The following DOCK4 variants were observed in gnomAD, a reference collection of about 807,000 sequenced individuals.
DOCK4 encodes dedicator of cytokinesis protein 4.
A neutral mutation model predicts 268.1 loss-of-function variants in DOCK4; 97 were observed. The observed-to-expected ratio is 0.36, with a 90% CI of 0.31 to 0.43. The LOEUF is 0.43. DOCK4 is among the 20% of genes least tolerant of loss of function. The pLI, the probability that DOCK4 is intolerant of heterozygous loss-of-function variation, is 1.00. For missense variants in DOCK4, 2,145 were observed against 2,455.7 expected, an observed-to-expected ratio of 0.87 and a Z score of 2.67; for synonymous variants, 954 against 887.2, an observed-to-expected ratio of 1.08 and a Z score of -1.34.
At chr7:111,751,419 A>G (rs1020613650) in intron 42 of DOCK4, among the ~76,000 whole-genome samples, 1 of 152,100 alleles carries the variant, frequency 6.6e-6, no homozygotes, top group African/African-American at 2.4e-5. Context: ...TTAAATCTGG[A>G]TTCGAATAAT....
Position 111,728,201 on chromosome 7 carries a change from TA to T in DOCK4, c.*72del, listed in dbSNP as rs1794774860. 1 of 1,229,908 alleles carries T rather than the reference TA, an allele frequency of 8.1e-7. No individual in the cohort carries two copies. The highest frequency in any genetic ancestry group is 2.7e-5 in the East Asian group (1 of 37,220). 76.2% of individuals were successfully genotyped at this position (1,229,908 alleles called of 1,614,324 possible). A position where few individuals can be genotyped will look rare whatever the true frequency, so the allele number is the denominator to read the frequency against. On this transcript the variant is annotated 3_prime_UTR_variant, in exon 53 of 53. Transcript: ENST00000428084. The stretch of plus-strand genomic sequence containing the variant: ...GAGTAAGTTATTAAAGTGCCTACAC[TA>T]AATGTCTTCTCATCATACTTCTTAT...
chr7:112,172,873 T>A (rs1357431128), intron 1 of DOCK4, among the ~76,000 whole-genome samples: 1 of 152,220 alleles, frequency 6.6e-6, no homozygotes, highest in African/African-American at 2.4e-5. Context: ...AAGTGTTAAA[T>A]CTTATTTTCT....
chr7:111,817,354 C>T lies in DOCK4; in HGVS notation c.2930+5008G>A, dbSNP rs571290233. On this transcript the variant is annotated intron_variant, in intron 27 of 52. Transcript: ENST00000428084. ...AGTAGCTGTGTCAATGGATGCTCAG[C>T]AGATTAGCTACTCTACCACTCAAGT... Among the ~76,000 whole-genome samples, 6 of 152,260 alleles carry T rather than the reference C, an allele frequency of 3.9e-5. No homozygotes were observed. In the East Asian group the frequency reaches 1.2e-3, roughly 29 times the overall value.
intron 11 of DOCK4, among the ~76,000 whole-genome samples, chr7:111,936,358 G>A (rs536650786): frequency 3.3e-4 from 50 of 152,296 alleles, no homozygotes; most frequent in African/African-American, 1.2e-3. Flanking sequence ...TGTTATCTTT[G>A]TTTACGTGGT....
At position 112,018,179 on chromosome 7, in the gene DOCK4, A is replaced by AAAAAAAAAAAAAACAAC; in HGVS notation, c.38-14049_38-14048insGTTGTTTTTTTTTTTTT. On this transcript the variant is annotated intron_variant, in intron 1 of 52. Coordinates refer to ENST00000428084, the MANE Select transcript of DOCK4 (RefSeq NM_001363540.2). ...AAAAAAAAAAAAAAAAAAAAAAAAA[A>AAAAAAAAAAAAAACAAC]ACACAGGCAACCAGTATTCATGTGG... Among the ~76,000 whole-genome samples, 18 of 72,630 alleles carry AAAAAAAAAAAAAACAAC rather than the reference A, an allele frequency of 2.5e-4. 5 individuals are homozygous for AAAAAAAAAAAAAACAAC. Among genetic ancestry groups the AAAAAAAAAAAAAACAAC allele is most frequent in the African/African-American group, 9.2e-4 (17 of 18,512 alleles). 47.6% of individuals were successfully genotyped at this position (72,630 alleles called of 152,430 possible).
intron 8 of DOCK4, among the ~76,000 whole-genome samples, chr7:111,957,500 G>GA (rs569321407): frequency 2.0e-4 from 30 of 152,166 alleles, no homozygotes; most frequent in African/African-American, 7.2e-4. Flanking sequence ...AAACAACCTG[G>GA]AAAAAATACT....
chr7:111,979,927 A>G (rs1798482448), intron 7 of DOCK4, among the ~76,000 whole-genome samples: 1 of 152,204 alleles, frequency 6.6e-6, no homozygotes, highest in African/African-American at 2.4e-5. Context: ...CCCAGGTCTT[A>G]TCTCAGAACA....
At chr7:111,729,102 T>C (rs1001089993) in intron 52 of DOCK4, among the ~76,000 whole-genome samples, 3 of 152,124 alleles carry the variant, frequency 2.0e-5, no homozygotes, top group African/African-American at 7.2e-5. Context: ...GCCACCCAGT[T>C]TGTGGTATTT....
intron 27 of DOCK4, among the ~76,000 whole-genome samples, chr7:111,814,672 T>C (rs1046850944): frequency 2.6e-5 from 4 of 152,174 alleles, no homozygotes; most frequent in Admixed American, 1.3e-4. Flanking sequence ...ATCAGAAATA[T>C]TCCCACAAAT....
In DOCK4 at chr7:111,784,089, T is replaced by C; in HGVS notation, c.3428+8A>G. ...CACAAGTAGCACAATTTGCAAACAA[T>C]GTCTTACCTAGGATAGGGACCAAAT... On this transcript the variant is annotated splice_region_variant and intron_variant, in intron 33 of 52. Coordinates refer to ENST00000428084, the MANE Select transcript of DOCK4 (RefSeq NM_001363540.2). 1.3e-6 allele frequency: 2 copies of C among 1,580,882 alleles called. No individual in the cohort carries two copies. Among genetic ancestry groups the C allele is most frequent in the Non-Finnish European group, 1.7e-6 (2 of 1,167,780 alleles).
At chr7:111,764,896 T>C (rs544603185) in intron 39 of DOCK4, among the ~76,000 whole-genome samples, 3 of 151,812 alleles carry the variant, frequency 2.0e-5, no homozygotes, top group South Asian at 4.2e-4. Flanking sequence ...TTATCAAAGA[T>C]TGCTCACAAA....
chr7:112,070,850 T>G (rs1160017794), intron 1 of DOCK4, among the ~76,000 whole-genome samples: 7 of 152,182 alleles, frequency 4.6e-5, no homozygotes, highest in Non-Finnish European at 1.0e-4. Context: ...TGGAGCTTCA[T>G]GAGTTTGCTC....
At chr7:112,174,529 C>A (rs1818340233) in intron 1 of DOCK4, among the ~76,000 whole-genome samples, 1 of 152,032 alleles carries the variant, frequency 6.6e-6, no homozygotes, top group African/African-American at 2.4e-5. Flanking sequence ...CATACACAAA[C>A]ACACACATGG....
intron 15 of DOCK4, among the ~76,000 whole-genome samples, chr7:111,897,447 C>T (rs1808850679): frequency 6.6e-6 from 1 of 152,108 alleles, no homozygotes; most frequent in African/African-American, 2.4e-5. Flanking sequence ...TTCGACTCCC[C>T]TTTGCTATCT....
At chr7:111,911,357 T>C (rs1278070358) in intron 13 of DOCK4, among the ~76,000 whole-genome samples, 3 of 152,338 alleles carry the variant, frequency 2.0e-5, no homozygotes, top group South Asian at 2.1e-4. Flanking sequence ...AAAACAATGA[T>C]TGCATGTTTC....
Position 111,996,645 on chromosome 7 carries a change from T to G in DOCK4, c.218+1803A>C, listed in dbSNP as rs76046979. Reference sequence around the variant, plus strand: ...AGAAACTAATGTTGGGCTTTTCTGTTCTTCTGCTGCACAATGTCCATCATA... The same window carrying G: ...AGAAACTAATGTTGGGCTTTTCTGTGCTTCTGCTGCACAATGTCCATCATA... On this transcript the variant is annotated intron_variant, in intron 4 of 52. Coordinates refer to ENST00000428084, the MANE Select transcript of DOCK4 (RefSeq NM_001363540.2). Among the ~76,000 whole-genome samples, 571 of 152,268 alleles carry G rather than the reference T, an allele frequency of 3.7e-3. 1 individual carries two copies. Among genetic ancestry groups the G allele is most frequent in the African/African-American group, 0.013 (543 of 41,540 alleles).
At chr7:112,184,211 G>A (rs1357184157) in intron 1 of DOCK4, among the ~76,000 whole-genome samples, 3 of 152,170 alleles carry the variant, frequency 2.0e-5, no homozygotes, top group African/African-American at 4.8e-5. Context: ...ACACTCCAAC[G>A]TAGACCTAGT....
chr7:111,997,193 T>C (rs915180818), intron 4 of DOCK4, among the ~76,000 whole-genome samples: 9 of 152,234 alleles, frequency 5.9e-5, no homozygotes, highest in African/African-American at 2.2e-4. Flanking sequence ...GTATCACATC[T>C]AGCTGGGTAG....
chr7:112,171,885 T>C (rs1163753138), intron 1 of DOCK4, among the ~76,000 whole-genome samples: 1 of 152,150 alleles, frequency 6.6e-6, no homozygotes, highest in Middle Eastern at 3.2e-3. Context: ...CAGGGCTGGT[T>C]TCCTCTGAGG....
Sources: allele counts gnomAD v4.1 joint callset (sites outside exome capture counted in the v4.1 genomes callset), GRCh38; gene constraint gnomAD v4.1.1; transcripts MANE v1.5; gene names NCBI Gene and HGNC (gene_info 2026-07-23, HGNC 2026-07-21).